Variants in C20orf203 observed in about 807,000 individuals in gnomAD.
C20orf203 encodes chromosome 20 open reading frame 203.
In C20orf203, 16 loss-of-function variants were observed where a neutral mutation model predicts 15.9. The observed-to-expected ratio is 1.01, with a 90% CI of 0.68 to 1.53. The LOEUF (loss-of-function observed/expected upper bound fraction) is 1.53, where lower values mean the gene tolerates loss of function less well. Among genes scored for constraint, C20orf203 ranks in the 40% most tolerant of loss-of-function variants. The probability of loss-of-function intolerance (pLI) is 0.00; values close to 1 mark genes in which losing one functional copy is unlikely to be tolerated. For missense variants in C20orf203, 263 were observed against 247.5 expected (o/e 1.06, Z -0.42); for synonymous variants, 98 against 97.2 (o/e 1.01, Z -0.05).
chr20:32,660,990 G>A (rs373679699), intron 1 of C20orf203, among the ~76,000 whole-genome samples: 3 of 152,126 alleles, frequency 2.0e-5, no homozygotes, highest in East Asian at 3.9e-4. Context: ...TCCCTCCCAC[G>A]ACATGTGGGG....
chr20:32,648,704 G>A (rs1321628811), intron 4 of C20orf203, among the ~76,000 whole-genome samples: 3 of 150,992 alleles, frequency 2.0e-5, no homozygotes, highest in East Asian at 1.9e-4. Flanking sequence ...CGCCTGCCTC[G>A]GCCTCTCAAA....
rs1982000827 is a variant in C20orf203 at position 32,631,797 on chromosome 20, A to T, written c.*3773T>A. On this transcript the variant is annotated 3_prime_UTR_variant, in exon 6 of 6. Transcript: ENST00000608990. ...CTCAGTCTGGGCGCTCATAAGAGGC[A>T]GGGTCTGTGGGGGTCAGGCCTGTTT... 6.6e-6 allele frequency: 1 copy of T among 152,240 alleles called. No individual in the cohort carries two copies. The highest frequency in any genetic ancestry group is 2.1e-4 in the South Asian group (1 of 4,828). 9.4% of individuals were successfully genotyped at this position (152,240 alleles called of 1,614,324 possible).
intron 1 of C20orf203, among the ~76,000 whole-genome samples, chr20:32,673,265 C>T (rs967994583): frequency 1.1e-4 from 16 of 152,174 alleles, no homozygotes; most frequent in Non-Finnish European, 2.4e-4. Context: ...TGAAGAGGCC[C>T]TGTGGCTGCC....
At chr20:32,647,881 C>T (rs865899722) in intron 4 of C20orf203, among the ~76,000 whole-genome samples, 5 of 152,244 alleles carry the variant, frequency 3.3e-5, no homozygotes, top group Middle Eastern at 3.4e-3. Context: ...CGGCAGGGGG[C>T]GTCGCCTTCC....
At position 32,652,287 on chromosome 20, in the gene C20orf203, C is replaced by A. The variant is rs1412746670; in HGVS notation, c.-263-306G>T. On this transcript the variant is annotated intron_variant, in intron 1 of 5. Transcript: ENST00000608990. ...ATCGTGCCAGTGAGCTGAGATCATG[C>A]ACTTCAGCCTGGGCGACAGAGCAAG... Among the ~76,000 whole-genome samples, 5 of 132,614 alleles carry A rather than the reference C, an allele frequency of 3.8e-5. No homozygotes were observed. The East Asian group carries it at 1.1e-3, about 29-fold the overall frequency. 87.0% of individuals were successfully genotyped at this position (132,614 alleles called of 152,430 possible).
chr20:32,666,824 T>TATATATATATATATATATAG (rs1555818278), intron 1 of C20orf203, among the ~76,000 whole-genome samples: 7 of 106,572 alleles, frequency 6.6e-5, no homozygotes, highest in Admixed American at 8.9e-5. Context: ...TATATATATA[T>TATATATATATATATATATAG]AGTTTTGTTT....
At chr20:32,640,109 A>G (rs1982241107) in intron 5 of C20orf203, among the ~76,000 whole-genome samples, 1 of 152,238 alleles carries the variant, frequency 6.6e-6, no homozygotes, top group African/African-American at 2.4e-5. Context: ...ATTTATTGAC[A>G]TCAAAGATGT....
chr20:32,639,328 C>A (rs1247608921), intron 5 of C20orf203, among the ~76,000 whole-genome samples: 1 of 152,208 alleles, frequency 6.6e-6, no homozygotes, highest in Admixed American at 6.5e-5. Flanking sequence ...TGGACAGTAC[C>A]AACACCTTTC....
intron 1 of C20orf203, 145 bp from the exon 2 acceptor site, chr20:32,652,126 C>A (rs955907957): frequency 6.6e-6 from 1 of 151,892 alleles, no homozygotes; most frequent in South Asian, 2.1e-4. Context: ...CTGGCCAACA[C>A]AACAAAACCT....
intron 4 of C20orf203, among the ~76,000 whole-genome samples, chr20:32,645,416 A>C (rs945493873): frequency 6.6e-6 from 1 of 152,136 alleles, no homozygotes; most frequent in Non-Finnish European, 1.5e-5. Flanking sequence ...CCCATCATAC[A>C]AACCTCTCTG....
At chr20:32,643,219 C>T (rs1477604436) in intron 4 of C20orf203, among the ~76,000 whole-genome samples, 2 of 152,190 alleles carry the variant, frequency 1.3e-5, no homozygotes, top group Non-Finnish European at 2.9e-5. Flanking sequence ...GGATCAGTGT[C>T]CTACTCTGTC....
chr20:32,639,628 A>G (rs757087813), intron 5 of C20orf203, among the ~76,000 whole-genome samples: 23 of 15,654 alleles, frequency 1.5e-3, no homozygotes, highest in Non-Finnish European at 6.2e-3. Context: ...TTTAAATAGT[A>G]AAAAAAAAAA....
rs1163888186 is a variant in C20orf203, at chr20:32,651,075, C to T, written c.78G>A (p.Arg26=). 4.3e-5 allele frequency: 66 copies of T among 1,526,930 alleles called. No individual in the cohort carries two copies. The highest frequency in any genetic ancestry group is 5.8e-5 in the Non-Finnish European group (66 of 1,133,242). 94.6% of individuals were successfully genotyped at this position (1,526,930 alleles called of 1,614,324 possible). A position where few individuals can be genotyped will look rare whatever the true frequency, so the allele number is the denominator to read the frequency against. ...AACTGGCCAGGCGAGGTGGCCACTG[C>T]CTGTGATCCAGCATGTTGGGAGGCT... ...LPQPPNMLDH[R]QWPPRLASFP... is the part of the protein sequence containing the mutation. Residue 26 remains arginine (R), a synonymous_variant, in exon 3 of 6, where the codon AGG becomes AGA. Transcript: ENST00000608990.
chr20:32,636,577 C>A (rs1037096896), intron 5 of C20orf203, among the ~76,000 whole-genome samples: 1 of 152,148 alleles, frequency 6.6e-6, no homozygotes, highest in Non-Finnish European at 1.5e-5. Flanking sequence ...ACACGCAAGG[C>A]CCCTGTCATC....
chr20:32,647,495 G>A (rs1982470254), intron 4 of C20orf203, among the ~76,000 whole-genome samples: 1 of 152,106 alleles, frequency 6.6e-6, no homozygotes, highest in Non-Finnish European at 1.5e-5. Context: ...CTTGAGGCCA[G>A]GAGTTCCAAA....
intron 1 of C20orf203, among the ~76,000 whole-genome samples, chr20:32,652,683 G>A (rs1054513240): frequency 1.3e-5 from 2 of 152,130 alleles, no homozygotes; most frequent in Middle Eastern, 6.8e-3. Context: ...ATACATTCAC[G>A]TCCACAAAAA....
chr20:32,633,046 A>G lies in C20orf203; in HGVS notation c.*2524T>C, dbSNP rs1453789723. On this transcript the variant is annotated 3_prime_UTR_variant, in exon 6 of 6. Coordinates refer to ENST00000608990, the MANE Select transcript of C20orf203 (RefSeq NM_182584.4). ...TGAGAACTCACTCACTATCATGAGAACAGCATGGGGGAAACTGCCACCATT... is the reference window on the plus strand; with the variant it reads ...TGAGAACTCACTCACTATCATGAGAGCAGCATGGGGGAAACTGCCACCATT... The G allele has an allele frequency of 6.6e-6, 1 of 152,208 alleles. No individual in the cohort carries two copies. Among genetic ancestry groups the G allele is most frequent in the African/African-American group, 2.4e-5 (1 of 41,442 alleles). 9.4% of individuals were successfully genotyped at this position (152,208 alleles called of 1,614,324 possible).
At chr20:32,672,492 G>A (rs1288691556) in intron 1 of C20orf203, among the ~76,000 whole-genome samples, 1 of 151,740 alleles carries the variant, frequency 6.6e-6, no homozygotes, top group Admixed American at 6.6e-5. Flanking sequence ...AGGACTGCTT[G>A]AGCCTAGAAG....
rs151214753 is a variant in C20orf203, at chr20:32,670,056, G to A, written c.-264+3576C>T. Among the ~76,000 whole-genome samples, 922 of 152,180 alleles carry A rather than the reference G, an allele frequency of 6.1e-3. 4 individuals are homozygous for A. The highest frequency in any genetic ancestry group is 0.01 in the Middle Eastern group (3 of 294). On this transcript the variant is annotated intron_variant, in intron 1 of 5. Transcript: ENST00000608990. ...TCTCTACTAAAAAATACAAAACTTA[G>A]CTGGGCATGGTGGCGTGTGCCTGTA...
Sources: allele counts gnomAD v4.1 joint callset (sites outside exome capture counted in the v4.1 genomes callset), GRCh38; gene constraint gnomAD v4.1.1; transcripts MANE v1.5; gene names NCBI Gene and HGNC (gene_info 2026-07-23, HGNC 2026-07-21).